Variants in BNC2 observed in about 807,000 individuals in gnomAD.
BNC2 encodes basonuclin zinc finger protein 2, also known as zinc finger protein basonuclin-2.
Under a neutral mutation model 76.3 loss-of-function variants are expected in BNC2, and 20 were observed. The observed-to-expected ratio is 0.26, with a 90% CI of 0.18 to 0.38. The LOEUF (loss-of-function observed/expected upper bound fraction) is 0.38. BNC2 is among the 10% of genes least tolerant of loss of function. BNC2 has a pLI of 1.00. For missense variants in BNC2, 1,382 were observed against 1,399.8 expected (o/e 0.99, Z 0.20); for synonymous variants, 582 against 514.8 (o/e 1.13, Z -1.77).
At chr9:16,773,368 C>T (rs1165568074) in intron 1 of BNC2, among the ~76,000 whole-genome samples, 1 of 152,022 alleles carries the variant, frequency 6.6e-6, no homozygotes, top group Non-Finnish European at 1.5e-5. Context: ...CTTTTTTCCC[C>T]TCTCTCTTTC....
chr9:16,449,336 T>C (rs1475904430), intron 5 of BNC2, among the ~76,000 whole-genome samples: 9 of 152,180 alleles, frequency 5.9e-5, no homozygotes, highest in Non-Finnish European at 1.3e-4. Flanking sequence ...TTCTGCATAT[T>C]TTCTATCCAG....
At chr9:16,854,696 C>A (rs1208481352) in intron 1 of BNC2, among the ~76,000 whole-genome samples, 4 of 151,902 alleles carry the variant, frequency 2.6e-5, no homozygotes, top group Non-Finnish European at 4.4e-5. Flanking sequence ...CCATAAAAAA[C>A]CAAAGAGAGG....
intron 1 of BNC2, among the ~76,000 whole-genome samples, chr9:16,784,772 A>C (rs887453085): frequency 6.6e-6 from 1 of 150,842 alleles, no homozygotes; most frequent in Non-Finnish European, 1.5e-5. Flanking sequence ...AAAAGGAGTT[A>C]AAAGAGTGAT....
At chr9:16,550,154 A>T (rs1818613836) in intron 5 of BNC2, among the ~76,000 whole-genome samples, 1 of 152,164 alleles carries the variant, frequency 6.6e-6, no homozygotes, top group African/African-American at 2.4e-5. Context: ...TGTTTCTTTA[A>T]ATCAAGCTTG....
At chr9:16,633,942 T>A (rs1389409858) in intron 3 of BNC2, among the ~76,000 whole-genome samples, 2 of 152,216 alleles carry the variant, frequency 1.3e-5, no homozygotes, top group Admixed American at 1.3e-4. Flanking sequence ...AAATAATGCT[T>A]ACTCTAGGCT....
rs1212363590 is a variant in BNC2 at position 16,665,411 on chromosome 9, A to AGAGAGAG, written c.330+62385_330+62386insCTCTCTC. On this transcript the variant is annotated intron_variant, in intron 3 of 6. Coordinates refer to ENST00000380672, the MANE Select transcript of BNC2 (RefSeq NM_017637.6). ...AAGAGAGAGAGAGAGAGAAAGAGAG[A>AGAGAGAG]AAAGAAAGGAAAGAAAGGAAAGAAA... Among the ~76,000 whole-genome samples, 84 of 115,434 alleles carry AGAGAGAG rather than the reference A, an allele frequency of 7.3e-4. 1 individual carries two copies. The highest frequency in any genetic ancestry group is 2.8e-3 in the African/African-American group (84 of 30,504). The allele number at this position is 115,434 out of a possible 152,430, so 75.7% of individuals were successfully genotyped here.
intron 1 of BNC2, among the ~76,000 whole-genome samples, chr9:16,798,709 T>C (rs991351560): frequency 6.6e-6 from 1 of 152,208 alleles, no homozygotes; most frequent in Non-Finnish European, 1.5e-5. Flanking sequence ...GTAGAAATTA[T>C]AGAGGAAATA....
Position 16,777,657 on chromosome 9 carries a change from C to A in BNC2, c.4-39172G>T, listed in dbSNP as rs574356419. Among the ~76,000 whole-genome samples, 5 of 148,586 alleles carry A rather than the reference C, an allele frequency of 3.4e-5. No homozygotes were observed. The East Asian group carries it at 9.9e-4, about 29-fold the overall frequency. ...CGGAGCTTGCAGTGAGCGGAGATTG[C>A]ACCACTGCATTCCAGCCTTGGCGAC... On this transcript the variant is annotated intron_variant, in intron 1 of 6. Coordinates refer to ENST00000380672, the MANE Select transcript of BNC2 (RefSeq NM_017637.6).
At chr9:16,462,538 G>C (rs1470642489) in intron 5 of BNC2, among the ~76,000 whole-genome samples, 1 of 152,092 alleles carries the variant, frequency 6.6e-6, no homozygotes, top group Non-Finnish European at 1.5e-5. Context: ...AGAAAAGTAA[G>C]AGAAAAAAAG....
rs1043416101 is a variant in BNC2 at position 16,418,159 on chromosome 9, G to A, written c.*830C>T. On this transcript the variant is annotated 3_prime_UTR_variant, in exon 7 of 7. Coordinates refer to ENST00000380672, the MANE Select transcript of BNC2 (RefSeq NM_017637.6). ...TGGTTATTACACATCCCCTTGTAGT[G>A]TATGAAAAAAAGTGCATGACGGGAT... 1 of 152,576 alleles carries A rather than the reference G, an allele frequency of 6.6e-6. No homozygotes were observed. The highest frequency in any genetic ancestry group is 2.4e-5 in the African/African-American group (1 of 41,426). 9.5% of individuals were successfully genotyped at this position (152,576 alleles called of 1,614,324 possible).
chr9:16,554,502 C>G (rs150783304), intron 4 of BNC2, among the ~76,000 whole-genome samples: 25 of 152,236 alleles, frequency 1.6e-4, no homozygotes, highest in Non-Finnish European at 3.5e-4. Flanking sequence ...CTGATCTTCC[C>G]TATTCTAGTG....
chr9:16,658,961 C>T lies in BNC2; in HGVS notation c.330+68836G>A, dbSNP rs530620148. On this transcript the variant is annotated intron_variant, in intron 3 of 6. Coordinates refer to ENST00000380672, the MANE Select transcript of BNC2 (RefSeq NM_017637.6). Reference sequence around the variant, plus strand: ...CTAGGATCAGAAAAATACATTACGCCGATACACAAACCATTGATCATCGCA... The same window carrying T: ...CTAGGATCAGAAAAATACATTACGCTGATACACAAACCATTGATCATCGCA... Among the ~76,000 whole-genome samples the T allele has an allele frequency of 7.9e-4, 120 of 152,220 alleles. 1 individual carries two copies. Among genetic ancestry groups the T allele is most frequent in the South Asian group, 2.7e-3 (13 of 4,820 alleles).
chr9:16,856,564 G>A (rs753605982), intron 1 of BNC2, among the ~76,000 whole-genome samples: 10 of 152,082 alleles, frequency 6.6e-5, no homozygotes, highest in African/African-American at 2.4e-5. Context: ...ATGCACCACT[G>A]CACCCAGCCC....
chr9:16,793,376 A>G (rs1331765434), intron 1 of BNC2, among the ~76,000 whole-genome samples: 2 of 152,170 alleles, frequency 1.3e-5, no homozygotes, highest in Admixed American at 1.3e-4. Flanking sequence ...ACCCCATCAC[A>G]CCTTTCATCA....
intron 5 of BNC2, among the ~76,000 whole-genome samples, chr9:16,545,292 T>A (rs956642986): frequency 6.6e-6 from 1 of 152,252 alleles, no homozygotes; most frequent in Admixed American, 6.5e-5. Context: ...AGGTTGGCAG[T>A]AGTCTGTAAC....
intron 1 of BNC2, among the ~76,000 whole-genome samples, chr9:16,817,377 T>C (rs1003856260): frequency 1.3e-5 from 2 of 152,236 alleles, no homozygotes; most frequent in Non-Finnish European, 2.9e-5. Context: ...ATGATGATCA[T>C]GATGGCAATT....
intron 5 of BNC2, among the ~76,000 whole-genome samples, chr9:16,511,918 C>T (rs778533028): frequency 3.3e-5 from 5 of 152,146 alleles, no homozygotes; most frequent in Non-Finnish European, 7.3e-5. Flanking sequence ...TTAAAACATT[C>T]ATTTAAAATT....
chr9:16,562,511 A>G (rs1386950677), intron 4 of BNC2, among the ~76,000 whole-genome samples: 1 of 152,252 alleles, frequency 6.6e-6, no homozygotes, highest in Non-Finnish European at 1.5e-5. Flanking sequence ...TAAGGTAGTT[A>G]CAGCCTACAT....
chr9:16,450,485 C>T (rs1458146512), intron 5 of BNC2, among the ~76,000 whole-genome samples: 1 of 152,202 alleles, frequency 6.6e-6, no homozygotes, highest in Non-Finnish European at 1.5e-5. Context: ...AATGCTTCCA[C>T]TATATGACAC....
Sources: gnomAD v4.1 joint callset for allele counts (sites outside exome capture counted in the v4.1 genomes callset) on GRCh38, gnomAD v4.1.1 for gene constraint, MANE v1.5 for transcripts, NCBI Gene and HGNC (gene_info 2026-07-23, HGNC 2026-07-21) for gene names.